The following FBXL2 variants were observed in gnomAD, a reference collection of about 807,000 sequenced individuals.
FBXL2 encodes F-box/LRR-repeat protein 2.
Under a neutral mutation model 69.2 loss-of-function variants are expected in FBXL2, and 38 were observed. That is an observed-to-expected ratio of 0.55 (90% CI 0.42 to 0.72). FBXL2 has a LOEUF of 0.72. Ranked by LOEUF, FBXL2 falls within the 30% of genes least tolerant of loss-of-function variation. The probability of loss-of-function intolerance (pLI) is 0.00; values close to 1 mark genes in which losing one functional copy is unlikely to be tolerated. For synonymous variants in FBXL2, 192 were observed against 201.3 expected (o/e 0.95, Z 0.39); for missense variants, 354 against 520.3 (o/e 0.68, Z 3.11).
At chr3:33,297,944 G>A (rs2035890933) in intron 2 of FBXL2, 1 of 584,080 alleles carries the variant, frequency 1.7e-6, no homozygotes, top group Non-Finnish European at 3.2e-6. Flanking sequence ...GCATTGGTCT[G>A]GATTCTTTTT....
intron 12 of FBXL2, chr3:33,403,097 T>C: frequency 1.9e-6 from 1 of 538,118 alleles, no homozygotes; most frequent in Non-Finnish European, 3.3e-6. Context: ...TGTGTGCGTC[T>C]AGACACTGAT....
intron 2 of FBXL2, among the ~76,000 whole-genome samples, chr3:33,318,912 G>A (rs978208260): frequency 2.0e-5 from 3 of 152,150 alleles, no homozygotes; most frequent in African/African-American, 7.2e-5. Context: ...TTACATGGCT[G>A]TACGTACCTG....
chr3:33,319,799 T>G (rs2038042455), intron 2 of FBXL2, among the ~76,000 whole-genome samples: 1 of 152,194 alleles, frequency 6.6e-6, no homozygotes, highest in South Asian at 2.1e-4. Flanking sequence ...TCACACACTT[T>G]TCTAGGGGCA....
chr3:33,400,921 A>C, intron 12 of FBXL2: 1 of 1,577,234 alleles, frequency 6.3e-7, no homozygotes. Flanking sequence ...AAAATGTAGA[A>C]CCCTGAAAGC....
chr3:33,284,823 T>C (rs543596863), intron 1 of FBXL2, among the ~76,000 whole-genome samples: 2 of 152,216 alleles, frequency 1.3e-5, no homozygotes, highest in East Asian at 1.9e-4. Flanking sequence ...TCTCTTTTGA[T>C]CTTTGTTGGT....
At chr3:33,397,412 A>G (rs969783362) in intron 12 of FBXL2, 1 of 241,618 alleles carries the variant, frequency 4.1e-6, no homozygotes, top group African/African-American at 2.2e-5. Flanking sequence ...TCTTCCCGAT[A>G]TAGGATTTCA....
At chr3:33,391,249 C>T (rs1012881196), downstream of FBXL2, 9 of 152,246 alleles carry the variant, frequency 5.9e-5, no homozygotes, top group Middle Eastern at 3.1e-3. Flanking sequence ...ACATCTCCCT[C>T]TTCTAGGGGC....
At chr3:33,373,439 C>A in intron 7 of FBXL2, 84 bp downstream of exon 7, 1 of 1,514,422 alleles carries the variant, frequency 6.6e-7, no homozygotes, top group Non-Finnish European at 9.2e-7. Context: ...ACGTTGGATC[C>A]AGCAAGAAAT....
intron 2 of FBXL2, among the ~76,000 whole-genome samples, chr3:33,316,224 A>C (rs1019608904): frequency 6.6e-6 from 1 of 151,704 alleles, no homozygotes; most frequent in East Asian, 1.9e-4. Context: ...TGCCTGGGTA[A>C]TTTTTGTGTT....
At chr3:33,369,515 C>T (rs113148435) in intron 5 of FBXL2, among the ~76,000 whole-genome samples, 2,124 of 152,238 alleles carry the variant, frequency 0.014, 22 homozygotes, top group South Asian at 0.026. Context: ...TCTCCTCACT[C>T]GGTTGTCATA....
At chr3:33,396,946 C>T (rs1027923133) in intron 12 of FBXL2, 15 of 1,070,698 alleles carry the variant, frequency 1.4e-5, no homozygotes, top group Non-Finnish European at 2.0e-5. Context: ...CGCACACAGG[C>T]ACACACGCCA....
At chr3:33,331,473 C>G (rs1282942123) in intron 2 of FBXL2, among the ~76,000 whole-genome samples, 2 of 152,118 alleles carry the variant, frequency 1.3e-5, no homozygotes, top group African/African-American at 4.8e-5. Context: ...CTCCCTCCCC[C>G]TGTTCTTCTT....
At chr3:33,412,886 CA>C in the FBXL2 span, 1 of 1,084,208 alleles carries the variant, frequency 9.2e-7, no homozygotes, top group Non-Finnish European at 1.4e-6. Context: ...AATGCAGGAC[CA>C]TTTCTACTTC....
downstream of FBXL2, chr3:33,392,460 G>A (rs2043806399): frequency 2.0e-6 from 2 of 984,326 alleles, no homozygotes; most frequent in Admixed American, 2.7e-5. Flanking sequence ...CTTAAAATGA[G>A]TAAAGCAATC....
chr3:33,304,551 C>A (rs1337407328), intron 2 of FBXL2, among the ~76,000 whole-genome samples: 20 of 151,800 alleles, frequency 1.3e-4, no homozygotes. Context: ...TATTTTTTCC[C>A]CCTTTACTGA....
chr3:33,352,924 CA>C (rs1182244596), intron 2 of FBXL2, among the ~76,000 whole-genome samples: 1 of 150,706 alleles, frequency 6.6e-6, no homozygotes. Flanking sequence ...CAAAACAAAA[CA>C]AAAAAACCCA....
In FBXL2 at chr3:33,378,944, A is replaced by G. The variant is rs981125097; in HGVS notation, c.951+203A>G. The G allele has an allele frequency of 6.2e-6, 6 of 971,990 alleles. No individual in the cohort carries two copies. The African/African-American group carries it at 9.9e-5, about 16-fold the overall frequency. 60.2% of individuals were successfully genotyped at this position (971,990 alleles called of 1,614,324 possible). ...TGAATTTGCAATTTTAAGATTCCCA[A>G]AAGAGAAATGTCCAGATCCAGATGG... On this transcript the variant is annotated intron_variant, in intron 13 of 14. Transcript: ENST00000484457.
chr3:33,287,739 A>G (rs546965750), intron 1 of FBXL2, among the ~76,000 whole-genome samples: 7 of 152,320 alleles, frequency 4.6e-5, no homozygotes, highest in African/African-American at 1.4e-4. Context: ...TTTGAACTCA[A>G]CCAGTCTGTT....
chr3:33,422,388 A>G, the FBXL2 span, among the ~76,000 whole-genome samples: 1 of 152,088 alleles, frequency 6.6e-6, no homozygotes, highest in African/African-American at 2.4e-5. Context: ...AAACAAACAA[A>G]TAAAAGGAAA....
Sources: allele counts gnomAD v4.1 joint callset (sites outside exome capture counted in the v4.1 genomes callset), GRCh38; gene constraint gnomAD v4.1.1; transcripts MANE v1.5; gene names NCBI Gene and HGNC (gene_info 2026-07-23, HGNC 2026-07-21).